The following ATL2 variants were observed in gnomAD, a reference collection of about 807,000 sequenced individuals.
ATL2 encodes the protein atlastin GTPase 2, also known as atlastin-2.
ATL2 carries 31 observed loss-of-function variants against 73.9 expected under a neutral mutation model. That is an observed-to-expected ratio of 0.42 (90% confidence interval 0.32 to 0.57). The LOEUF (loss-of-function observed/expected upper bound fraction) is 0.57, where lower values mean the gene tolerates loss of function less well. Among genes scored for constraint, ATL2 ranks in the 20% least tolerant of loss-of-function variants. The probability of loss-of-function intolerance (pLI) is 0.14; values close to 1 mark genes in which losing one functional copy is unlikely to be tolerated. For synonymous variants in ATL2, 291 were observed against 237.5 expected, an observed-to-expected ratio of 1.23 and a Z score of -2.07; for missense variants, 738 against 702.6, an observed-to-expected ratio of 1.05 and a Z score of -0.57.
intron 1 of ATL2, among the ~76,000 whole-genome samples, chr2:38,369,428 G>A (rs555766629): frequency 6.6e-6 from 1 of 152,014 alleles, no homozygotes; most frequent in East Asian, 1.9e-4. Flanking sequence ...GGGCGACAGA[G>A]TAAGACTCTG....
At chr2:38,344,078 T>C (rs1669883998) in intron 1 of ATL2, among the ~76,000 whole-genome samples, 1 of 152,122 alleles carries the variant, frequency 6.6e-6, no homozygotes, top group South Asian at 2.1e-4. Context: ...AGATAAACAA[T>C]AATACTAAAT....
chr2:38,363,575 T>C (rs923302580), intron 1 of ATL2, among the ~76,000 whole-genome samples: 1 of 152,216 alleles, frequency 6.6e-6, no homozygotes, highest in African/African-American at 2.4e-5. Flanking sequence ...GCAATAAAAG[T>C]ATATTTGCCC....
In ATL2 at chr2:38,324,349, C is replaced by T. The variant is rs541446199; in HGVS notation, c.364-5330G>A. ...CCTAGTTGCATGACATTCCCCACAC[C>T]ACCACAAATGAAAATCTTCATGTGT... On this transcript the variant is annotated intron_variant, in intron 2 of 12. Coordinates refer to ENST00000378954, the MANE Select transcript of ATL2 (RefSeq NM_001135673.4). Among the ~76,000 whole-genome samples, 400 of 152,262 alleles carry T rather than the reference C, an allele frequency of 2.6e-3. 3 individuals are homozygous for T. Among genetic ancestry groups the T allele is most frequent in the African/African-American group, 9.3e-3 (387 of 41,556 alleles).
At chr2:38,372,679 A>C (rs1375589390) in intron 1 of ATL2, among the ~76,000 whole-genome samples, 1 of 152,276 alleles carries the variant, frequency 6.6e-6, no homozygotes, top group African/African-American at 2.4e-5. Context: ...ATCACATCTT[A>C]TGTTAATAAC....
intron 2 of ATL2, among the ~76,000 whole-genome samples, chr2:38,325,661 TAC>T (rs562138786): frequency 0.26 from 10,573 of 41,332 alleles, 2,679 homozygotes; most frequent in Middle Eastern, 0.43. Flanking sequence ...CACACACCAG[TAC>T]ACACACACAC....
Position 38,364,230 on chromosome 2 carries a change from C to G in ATL2, c.118+12913G>C, listed in dbSNP as rs538676655. Among the ~76,000 whole-genome samples the G allele has an allele frequency of 7.2e-5, 11 of 152,094 alleles. 1 individual carries two copies. Among genetic ancestry groups the G allele is most frequent in the African/African-American group, 2.7e-4 (11 of 41,476 alleles). ...TGAGCCGAGATTGTACCACTGCACT[C>G]CAGCCTGGGCAACAGAGTGAGACTC... On this transcript the variant is annotated intron_variant, in intron 1 of 12. Transcript: ENST00000378954.
At chr2:38,304,985 A>G (rs1232335799) in intron 9 of ATL2, among the ~76,000 whole-genome samples, 3 of 152,136 alleles carry the variant, frequency 2.0e-5, no homozygotes, top group African/African-American at 4.8e-5. Context: ...GAGTGGCTGA[A>G]TGGGTTTTAA....
chr2:38,323,830 G>C (rs1004677586), intron 2 of ATL2, among the ~76,000 whole-genome samples: 2 of 152,150 alleles, frequency 1.3e-5, no homozygotes, highest in African/African-American at 4.8e-5. Flanking sequence ...AGGGTTGGTT[G>C]TCCTGCCAGG....
chr2:38,339,554 A>G (rs1470503583), intron 2 of ATL2, among the ~76,000 whole-genome samples: 2 of 152,180 alleles, frequency 1.3e-5, no homozygotes, highest in African/African-American at 4.8e-5. Flanking sequence ...ATGACCTCTA[A>G]TATTGTGTTA....
intron 1 of ATL2, among the ~76,000 whole-genome samples, chr2:38,362,276 A>G (rs1671057073): frequency 6.6e-6 from 1 of 152,230 alleles, no homozygotes; most frequent in Admixed American, 6.5e-5. Context: ...CAAAATAATC[A>G]CAATTACAAA....
rs55964015 is a variant in ATL2 at position 38,370,448 on chromosome 2, CAAAAAAAAAAAA to C, written c.118+6683_118+6694del. Among the ~76,000 whole-genome samples the C allele has an allele frequency of 5.3e-3, 291 of 55,220 alleles. 1 individual carries two copies. Among genetic ancestry groups the C allele is most frequent in the African/African-American group, 9.2e-3 (192 of 20,788 alleles). The allele number at this position is 55,220 out of a possible 152,430, so 36.2% of individuals were successfully genotyped here. On this transcript the variant is annotated intron_variant, in intron 1 of 12. Transcript: ENST00000378954. ...TGGGAGACAGAGTGAGACTCTGTCC[CAAAAAAAAAAAA>C]AAAAAAAAAAAAAAAAAAAAAATCA...
In ATL2 at chr2:38,294,660, G is replaced by T. The variant is rs950463287; in HGVS notation, c.*1334C>A. On this transcript the variant is annotated 3_prime_UTR_variant, in exon 13 of 13. Transcript: ENST00000378954. ...ACCACCAAAAAAAAAAAAAGAGAGA[G>T]AAAGAAATTAACAATCCCCATCTAC... 1.4e-5 allele frequency among the ~76,000 whole-genome samples: 2 copies of T among 145,218 alleles called. No individual in the cohort carries two copies. Among genetic ancestry groups the T allele is most frequent in the Non-Finnish European group, 3.0e-5 (2 of 67,624 alleles).
rs551593505 is a variant in ATL2 at position 38,376,179 on chromosome 2, T to A, written c.118+964A>T. ...AACTTTATGCCTTTCTTAAGTACCA[T>A]CAAAATTTTCAATCAGGATTTCATG... On this transcript the variant is annotated intron_variant, in intron 1 of 12. Coordinates refer to ENST00000378954, the MANE Select transcript of ATL2 (RefSeq NM_001135673.4). 3.5e-5 allele frequency: 53 copies of A among 1,522,248 alleles called. No individual in the cohort carries two copies. In the Middle Eastern group the frequency reaches 6.9e-4, roughly 20 times the overall value. The allele number at this position is 1,522,248 out of a possible 1,614,324, so 94.3% of individuals were successfully genotyped here. A position where few individuals can be genotyped will look rare whatever the true frequency, so the allele number is the denominator to read the frequency against.
intron 1 of ATL2, among the ~76,000 whole-genome samples, chr2:38,369,754 TA>T (rs917518776): frequency 2.5e-4 from 38 of 151,872 alleles, no homozygotes; most frequent in Non-Finnish European, 4.7e-4. Flanking sequence ...AAAGTGCTGA[TA>T]AAAAGAAAAC....
At position 38,296,009 on chromosome 2, in the gene ATL2, T is replaced by C. The variant is rs1438279476; in HGVS notation, c.1737A>G (p.Arg579=). The change falls in exon 13 of 13, where the codon AGA becomes AGG. Residue 579 remains arginine (R), a synonymous_variant. Coordinates refer to ENST00000378954, the MANE Select transcript of ATL2 (RefSeq NM_001135673.4). ...GLTDQVSHHA[R]LKTD ...AGATGAACTGTCAGTCTGTCTTTAA[T>C]CTGGCATGATGAGACACCTGGTCAG... 8 of 1,550,276 alleles carry C rather than the reference T, an allele frequency of 5.2e-6. No individual in the cohort carries two copies. Among genetic ancestry groups the C allele is most frequent in the Non-Finnish European group, 7.0e-6 (8 of 1,145,612 alleles).
rs1372697244 is a variant in ATL2 at position 38,359,800 on chromosome 2, G to A, written c.119-16288C>T. Among the ~76,000 whole-genome samples, 3 of 152,060 alleles carry A rather than the reference G, an allele frequency of 2.0e-5. No individual in the cohort carries two copies. In the East Asian group the frequency reaches 5.8e-4, roughly 29 times the overall value. On this transcript the variant is annotated intron_variant, in intron 1 of 12. Transcript: ENST00000378954. ...ATCAAATATTACCCAGTTCTTAAAA[G>A]CATACACCTGAATATGTAAGTGTAC...
intron 1 of ATL2, among the ~76,000 whole-genome samples, chr2:38,367,186 C>T (rs1275645283): frequency 6.6e-6 from 1 of 151,874 alleles, no homozygotes; most frequent in Non-Finnish European, 1.5e-5. Flanking sequence ...GAAACTAAAA[C>T]TTATTTGTAG....
rs569808187 is a variant in ATL2, at chr2:38,370,902, G to A, written c.118+6241C>T. Among the ~76,000 whole-genome samples, 26 of 151,894 alleles carry A rather than the reference G, an allele frequency of 1.7e-4. 1 individual carries two copies. The highest frequency in any genetic ancestry group is 1.0e-3 in the South Asian group (5 of 4,804). ...CACCCCAGAAGTTCAAGGTTGCAGC[G>A]AGCTATGATTGAGCCACTGCACTCC... is the stretch of plus-strand genomic sequence containing the variant. On this transcript the variant is annotated intron_variant, in intron 1 of 12. Coordinates refer to ENST00000378954, the MANE Select transcript of ATL2 (RefSeq NM_001135673.4).
chr2:38,332,779 G>T (rs1335512970), intron 2 of ATL2, among the ~76,000 whole-genome samples: 1 of 152,136 alleles, frequency 6.6e-6, no homozygotes, highest in Non-Finnish European at 1.5e-5. Context: ...CCATATACTA[G>T]TACAATGTGA....
Sources: allele counts gnomAD v4.1 joint callset (sites outside exome capture counted in the v4.1 genomes callset), GRCh38; gene constraint gnomAD v4.1.1; transcripts MANE v1.5; gene names NCBI Gene and HGNC (gene_info 2026-07-23, HGNC 2026-07-21).